Variants in LAMA2 observed in about 807,000 individuals in gnomAD.
LAMA2 encodes the protein laminin subunit alpha-2.
In LAMA2, 269 loss-of-function variants were observed where a neutral mutation model predicts 364.8. The ratio of observed to expected loss-of-function variants is 0.74; its 90% CI spans 0.67 to 0.82. The LOEUF (loss-of-function observed/expected upper bound fraction) is 0.82. Ranked by LOEUF, LAMA2 falls within the 40% of genes least tolerant of loss-of-function variation. The probability of loss-of-function intolerance (pLI) is 0.00; values close to 1 mark genes in which losing one functional copy is unlikely to be tolerated. For missense variants in LAMA2, 3,807 were observed against 3,873.2 expected (o/e 0.98, Z 0.45); for synonymous variants, 1,379 against 1,370.6 (o/e 1.01, Z -0.14).
chr6:129,174,171 A>G (rs989073330), intron 9 of LAMA2, among the ~76,000 whole-genome samples: 1 of 152,012 alleles, frequency 6.6e-6, no homozygotes, highest in Admixed American at 6.5e-5. Flanking sequence ...TAGAACTCTC[A>G]TCTATCCCAA....
At chr6:129,016,231 T>C (rs1785067131) in intron 1 of LAMA2, among the ~76,000 whole-genome samples, 1 of 152,064 alleles carries the variant, frequency 6.6e-6, no homozygotes, top group Non-Finnish European at 1.5e-5. Flanking sequence ...ATAAAAGTGC[T>C]TTAAAAACAA....
rs1782338265 is a variant in LAMA2, at chr6:129,445,771, A to G, written c.6379A>G (p.Ile2127Val). 1.9e-6 allele frequency: 3 copies of G among 1,613,842 alleles called. No homozygotes were observed. Among genetic ancestry groups the G allele is most frequent in the Admixed American group, 3.3e-5 (2 of 60,020 alleles). The change falls in exon 45 of 65, where the codon ATC becomes GTC. Residue 2127 changes from isoleucine (I) to valine (V), a missense_variant. Ile to Val is a conservative substitution (Grantham distance 29). This residue lies in a region of LAMA2 where 3,333 missense variants were observed against 3,345.7 expected (regional missense o/e 1.00). Transcript: ENST00000421865. ...ACTTGAGGATAACCTAAAGAAAAAC[A>G]TCTCTGAGATAAAGGAATTGATAAA... ...KELEDNLKKNISEIKELINQA... is the reference protein window; with the variant it reads ...KELEDNLKKNVSEIKELINQA...
At chr6:129,087,604 T>G (rs1774456034) in intron 3 of LAMA2, among the ~76,000 whole-genome samples, 1 of 152,116 alleles carries the variant, frequency 6.6e-6, no homozygotes, top group Admixed American at 6.5e-5. Context: ...CAAAGAAAAT[T>G]TCAGAAAGGA....
chr6:129,360,086 T>C (rs1409751452), intron 32 of LAMA2, among the ~76,000 whole-genome samples: 3 of 152,170 alleles, frequency 2.0e-5, no homozygotes, highest in Non-Finnish European at 4.4e-5. Context: ...TTGCTTTTGC[T>C]CCTGTGCATT....
intron 1 of LAMA2, among the ~76,000 whole-genome samples, chr6:128,939,932 T>A (rs1290223114): frequency 6.6e-6 from 1 of 152,128 alleles, no homozygotes; most frequent in Non-Finnish European, 1.5e-5. Flanking sequence ...TCCCATCTGA[T>A]CCCTTCACGG....
intron 17 of LAMA2, among the ~76,000 whole-genome samples, chr6:129,276,112 T>C (rs1342307163): frequency 6.6e-6 from 1 of 152,118 alleles, no homozygotes; most frequent in Non-Finnish European, 1.5e-5. Flanking sequence ...AATTTTTTCT[T>C]TTTCTCCTCT....
chr6:129,211,126 C>T (rs1783075135), intron 12 of LAMA2, among the ~76,000 whole-genome samples: 2 of 152,206 alleles, frequency 1.3e-5, no homozygotes, highest in African/African-American at 4.8e-5. Context: ...TATAATCTTA[C>T]ACTCAGTTGA....
intron 15 of LAMA2, among the ~76,000 whole-genome samples, chr6:129,261,355 T>C (rs1787114863): frequency 1.3e-5 from 2 of 152,130 alleles, no homozygotes; most frequent in Admixed American, 1.3e-4. Context: ...TTGATTTGTT[T>C]AGCACCTAAT....
At chr6:129,186,138 A>T (rs375848956) in intron 10 of LAMA2, among the ~76,000 whole-genome samples, 1 of 151,902 alleles carries the variant, frequency 6.6e-6, no homozygotes, top group East Asian at 1.9e-4. Context: ...TGTTTAGATT[A>T]ACAGTTAAAA....
rs765834619 is a variant in LAMA2 at position 129,464,309 on chromosome 6, G to C, written c.7012G>C (p.Glu2338Gln). Residue 2338 changes from glutamate (E) to glutamine (Q), a missense_variant, in exon 50 of 65, where the codon GAG (glutamate) becomes CAG (glutamine). Around this residue, in one of 3 missense-constraint regions of LAMA2, gnomAD observed 3,333 missense variants for 3,345.7 expected, o/e 1.00. Transcript: ENST00000421865. Reference protein sequence around the residue: ...CTVSPQVEDSEGTIQFDGEGY... With the variant: ...CTVSPQVEDSQGTIQFDGEGY... ...TCTCAGTCCTCAGGTGGAAGATAGT[G>C]AGGGGACTATTCAATTTGATGGAGA... The C allele has an allele frequency of 1.9e-6, 3 of 1,611,990 alleles. No individual in the cohort carries two copies. The highest frequency in any genetic ancestry group is 2.5e-6 in the Non-Finnish European group (3 of 1,178,616).
In LAMA2 at chr6:129,486,640, A is replaced by G. The variant is rs1473335378; in HGVS notation, c.7898+18A>G. ...ACTAGAGGGTAACAATAGCACTAAA[A>G]TATTTATTATTGTAACTCAGGTGAA... is the stretch of plus-strand genomic sequence containing the variant. On this transcript the variant is annotated intron_variant, in intron 56 of 64. Transcript: ENST00000421865. 2 of 1,608,190 alleles carry G rather than the reference A, an allele frequency of 1.2e-6. No individual in the cohort carries two copies. Among genetic ancestry groups the G allele is most frequent in the African/African-American group, 2.7e-5 (2 of 74,762 alleles).
At chr6:129,330,592 G>GTTTTTTTTTTTTTTTTTTTTTT (rs1406358715) in intron 29 of LAMA2, among the ~76,000 whole-genome samples, 1 of 78,532 alleles carries the variant, frequency 1.3e-5, no homozygotes, top group Non-Finnish European at 2.4e-5. Context: ...TTGTTGTTTG[G>GTTTTTTTTTTTTTTTTTTTTTT]TTTTTGTTTT....
At chr6:128,923,309 A>G (rs1199063269) in intron 1 of LAMA2, among the ~76,000 whole-genome samples, 2 of 151,248 alleles carry the variant, frequency 1.3e-5, no homozygotes, top group Non-Finnish European at 2.9e-5. Context: ...CAGTATGGCC[A>G]TTTTCACGAT....
chr6:128,997,894 A>G (rs1314169694), intron 1 of LAMA2, among the ~76,000 whole-genome samples: 1 of 152,200 alleles, frequency 6.6e-6, no homozygotes, highest in African/African-American at 2.4e-5. Flanking sequence ...GACAGAAGAT[A>G]AAAGGAGTTG....
At chr6:129,171,464 G>T (rs1395869986) in intron 9 of LAMA2, among the ~76,000 whole-genome samples, 2 of 151,914 alleles carry the variant, frequency 1.3e-5, no homozygotes, top group Non-Finnish European at 2.9e-5. Context: ...GAAATTCTGG[G>T]TTGAAAATTC....
chr6:129,283,937 A>G (rs1788913866), intron 18 of LAMA2, among the ~76,000 whole-genome samples: 2 of 152,056 alleles, frequency 1.3e-5, no homozygotes, highest in African/African-American at 4.8e-5. Context: ...TGAGGTGTCA[A>G]GAGGCCACTC....
At chr6:129,412,214 C>T (rs748497576) in intron 40 of LAMA2, among the ~76,000 whole-genome samples, 39 of 152,058 alleles carry the variant, frequency 2.6e-4, no homozygotes, top group Non-Finnish European at 4.3e-4. Context: ...TGAATATTGC[C>T]GTCTTGAATC....
chr6:129,447,114 C>T (rs1014926456), intron 45 of LAMA2, among the ~76,000 whole-genome samples: 1 of 152,204 alleles, frequency 6.6e-6, no homozygotes. Context: ...AAAGCCTCTA[C>T]TATGTTCAGT....
chr6:129,254,675 TA>T (rs1187172332), intron 14 of LAMA2, among the ~76,000 whole-genome samples: 7 of 152,198 alleles, frequency 4.6e-5, no homozygotes, highest in Non-Finnish European at 1.0e-4. Context: ...AAAATTAATT[TA>T]TTTTCTTCTC....
Sources: gnomAD v4.1 joint callset for allele counts (sites outside exome capture counted in the v4.1 genomes callset) on GRCh38, gnomAD v4.1.1 for gene constraint, gnomAD v4.1.1 regional missense constraint, MANE v1.5 for transcripts, NCBI Gene and HGNC (gene_info 2026-07-23, HGNC 2026-07-21) for gene names.